The following SGCZ variants were observed in gnomAD, a reference collection of about 807,000 sequenced individuals.
The protein encoded by SGCZ is zeta-sarcoglycan.
A neutral mutation model predicts 41.3 loss-of-function variants in SGCZ; 40 were observed. The ratio of observed to expected loss-of-function variants is 0.97; its 90% CI spans 0.75 to 1.26. The LOEUF is 1.26. Ranked by LOEUF, SGCZ falls within the 50% of genes most tolerant of loss-of-function variation. The pLI, the probability that SGCZ is intolerant of heterozygous loss-of-function variation, is 0.00. For missense variants in SGCZ, 552 were observed against 369.8 expected (o/e 1.49, Z -4.04); for synonymous variants, 206 against 137.5 (o/e 1.50, Z -3.49).
chr8:14,661,963 G>C (rs529458574), intron 1 of SGCZ, among the ~76,000 whole-genome samples: 11 of 152,128 alleles, frequency 7.2e-5, no homozygotes, highest in African/African-American at 2.4e-4. Flanking sequence ...CAAATGATGA[G>C]CTTATTATTC....
chr8:14,410,356 A>C (rs905714486), intron 2 of SGCZ, among the ~76,000 whole-genome samples: 1 of 151,744 alleles, frequency 6.6e-6, no homozygotes, highest in South Asian at 2.1e-4. Context: ...GTAAGTTTGA[A>C]AACTCCAAAA....
intron 4 of SGCZ, among the ~76,000 whole-genome samples, chr8:14,211,396 C>T (rs944761658): frequency 5.3e-5 from 8 of 152,170 alleles, no homozygotes; most frequent in African/African-American, 1.9e-4. Context: ...TACTTCTCCA[C>T]TTATGATGTC....
chr8:14,871,290 G>C (rs960122478), intron 1 of SGCZ, among the ~76,000 whole-genome samples: 10 of 152,132 alleles, frequency 6.6e-5, no homozygotes, highest in African/African-American at 2.4e-4. Context: ...GTTGGTGGGA[G>C]TGTAAATTAT....
At chr8:14,458,191 A>T (rs998163325) in intron 2 of SGCZ, among the ~76,000 whole-genome samples, 2 of 152,194 alleles carry the variant, frequency 1.3e-5, no homozygotes, top group African/African-American at 4.8e-5. Flanking sequence ...ATCAACCACA[A>T]TGTGTGGGGA....
At chr8:14,132,545 T>C (rs529141125) in intron 5 of SGCZ, among the ~76,000 whole-genome samples, 1 of 152,216 alleles carries the variant, frequency 6.6e-6, no homozygotes, top group Non-Finnish European at 1.5e-5. Flanking sequence ...TTTAACAATA[T>C]TCTTATTTTG....
Position 14,615,510 on chromosome 8 carries a change from A to G in SGCZ, c.40-60584T>C, listed in dbSNP as rs187924265. Among the ~76,000 whole-genome samples the G allele has an allele frequency of 1.4e-4, 21 of 152,324 alleles. No individual in the cohort carries two copies. In the East Asian group the frequency reaches 3.7e-3, roughly 27 times the overall value. On this transcript the variant is annotated intron_variant, in intron 1 of 7. Coordinates refer to ENST00000382080, the MANE Select transcript of SGCZ (RefSeq NM_139167.4). ...AAACTGTGCTAAATTTAATTTGTCTAAAGTTTTTCTTTTAACAAGTATCAA... is the reference window on the plus strand; with the variant it reads ...AAACTGTGCTAAATTTAATTTGTCTGAAGTTTTTCTTTTAACAAGTATCAA...
chr8:14,871,560 T>G (rs1254104069), intron 1 of SGCZ, among the ~76,000 whole-genome samples: 1 of 151,938 alleles, frequency 6.6e-6, no homozygotes, highest in East Asian at 1.9e-4. Context: ...AATCCCAGCA[T>G]TTTGGGAGGC....
chr8:14,822,986 A>G (rs927892765), intron 1 of SGCZ, among the ~76,000 whole-genome samples: 1 of 149,854 alleles, frequency 6.7e-6, no homozygotes, highest in Non-Finnish European at 1.5e-5. Flanking sequence ...CCTGGGAGGC[A>G]GAGATTGCAG....
At chr8:14,832,639 G>A (rs563581695) in intron 1 of SGCZ, among the ~76,000 whole-genome samples, 9 of 152,130 alleles carry the variant, frequency 5.9e-5, no homozygotes, top group Non-Finnish European at 1.2e-4. Flanking sequence ...ACATGAAAGG[G>A]TGTCTGCAGT....
Position 14,815,493 on chromosome 8 carries a change from T to C in SGCZ, c.40-260567A>G, listed in dbSNP as rs192431820. 2.6e-5 allele frequency among the ~76,000 whole-genome samples: 4 copies of C among 152,202 alleles called. No homozygotes were observed. The East Asian group carries it at 7.7e-4, about 29-fold the overall frequency. Reference sequence around the variant, plus strand: ...AAACAGGACCTTTGTGATGAAAATATTTCTTCCGGCAGTATATCTTCCAGG... The same window carrying C: ...AAACAGGACCTTTGTGATGAAAATACTTCTTCCGGCAGTATATCTTCCAGG... On this transcript the variant is annotated intron_variant, in intron 1 of 7. Transcript: ENST00000382080.
At position 14,993,098 on chromosome 8, in the gene SGCZ, A is replaced by T. The variant is rs1802079524; in HGVS notation, c.39+244487T>A. Among the ~76,000 whole-genome samples the T allele has an allele frequency of 2.6e-5, 4 of 152,150 alleles. No individual in the cohort carries two copies. In the South Asian group the frequency reaches 8.3e-4, roughly 32 times the overall value. The stretch of plus-strand genomic sequence containing the variant: ...TATTTACCTCTCATACATCCTCTTC[A>T]TACTATAATCTTCTCCCAAATATTA... On this transcript the variant is annotated intron_variant, in intron 1 of 7. Transcript: ENST00000382080.
At chr8:14,963,991 C>G (rs1459214145) in intron 1 of SGCZ, among the ~76,000 whole-genome samples, 1 of 152,134 alleles carries the variant, frequency 6.6e-6, no homozygotes, top group Non-Finnish European at 1.5e-5. Context: ...ATAAAGGTCA[C>G]AAGCGTAAAT....
intron 2 of SGCZ, among the ~76,000 whole-genome samples, chr8:14,553,756 A>G (rs1429320906): frequency 1.3e-5 from 2 of 152,066 alleles, no homozygotes; most frequent in Non-Finnish European, 2.9e-5. Context: ...TGCTAAACCA[A>G]TACCCAGTGG....
intron 1 of SGCZ, among the ~76,000 whole-genome samples, chr8:15,054,228 T>C (rs1294572725): frequency 1.3e-5 from 2 of 152,226 alleles, no homozygotes; most frequent in East Asian, 3.9e-4. Flanking sequence ...TCAACATTAA[T>C]GAAAATATTT....
chr8:14,285,668 T>C (rs2116930009), intron 3 of SGCZ, among the ~76,000 whole-genome samples: 1 of 152,266 alleles, frequency 6.6e-6, no homozygotes, highest in Non-Finnish European at 1.5e-5. Flanking sequence ...AAAGAAGTCC[T>C]GACTATCCCA....
chr8:14,275,111 G>A (rs994059106), intron 3 of SGCZ, among the ~76,000 whole-genome samples: 1 of 152,186 alleles, frequency 6.6e-6, no homozygotes, highest in Non-Finnish European at 1.5e-5. Context: ...CTGAAAACAT[G>A]TGTCCATAGT....
intron 2 of SGCZ, among the ~76,000 whole-genome samples, chr8:14,417,092 A>G (rs2117293983): frequency 6.6e-6 from 1 of 151,908 alleles, no homozygotes; most frequent in Admixed American, 6.6e-5. Flanking sequence ...AAGGGACGTT[A>G]TTCTATGCTC....
intron 1 of SGCZ, among the ~76,000 whole-genome samples, chr8:14,905,233 A>G (rs1799087837): frequency 6.6e-6 from 1 of 152,108 alleles, no homozygotes; most frequent in Non-Finnish European, 1.5e-5. Flanking sequence ...ATTTCAAAAA[A>G]TAATCTGGAA....
At chr8:15,232,830 T>C (rs1801997484) in intron 1 of SGCZ, among the ~76,000 whole-genome samples, 1 of 149,832 alleles carries the variant, frequency 6.7e-6, no homozygotes, top group East Asian at 2.0e-4. Context: ...TCAAAATAGC[T>C]AATAGGGTAC....
Sources: gnomAD v4.1 joint callset for allele counts (sites outside exome capture counted in the v4.1 genomes callset) on GRCh38, gnomAD v4.1.1 for gene constraint, MANE v1.5 for transcripts, NCBI Gene and HGNC (gene_info 2026-07-23, HGNC 2026-07-21) for gene names.